SUPT5H: variants seen among roughly 807,000 people sequenced by gnomAD.
SUPT5H encodes the protein transcription elongation factor SPT5.
In SUPT5H, 24 loss-of-function variants were observed where a neutral mutation model predicts 142.5. The observed-to-expected ratio is 0.17, with a 90% CI of 0.12 to 0.24. SUPT5H has a LOEUF of 0.24. Among genes scored for constraint, SUPT5H ranks in the 10% least tolerant of loss-of-function variants. The probability of loss-of-function intolerance (pLI) is 1.00; values close to 1 mark genes in which losing one functional copy is unlikely to be tolerated. For missense variants in SUPT5H, 893 were observed against 1,471.8 expected (o/e 0.61, Z 6.43); for synonymous variants, 546 against 553.0 (o/e 0.99, Z 0.18).
intron 10 of SUPT5H, among the ~76,000 whole-genome samples, chr19:39,463,254 G>T (rs1464863361): frequency 6.6e-6 from 1 of 151,246 alleles, no homozygotes; most frequent in African/African-American, 2.4e-5. Context: ...CTCCTGCCTC[G>T]GCCTCCCAAA....
Position 39,464,784 on chromosome 19 carries a change from G to A in SUPT5H, c.625-14G>A, listed in dbSNP as rs186896589. On this transcript the variant is annotated splice_polypyrimidine_tract_variant and intron_variant, in intron 10 of 29. Transcript: ENST00000432763. ...TGTCTCACTGTTTCCTCCTTCCACCGGCTCACCCTGCAGCCCCTGCAGATC... is the reference window on the plus strand; with the variant it reads ...TGTCTCACTGTTTCCTCCTTCCACCAGCTCACCCTGCAGCCCCTGCAGATC... The A allele has an allele frequency of 1.9e-6, 3 of 1,586,636 alleles. No individual in the cohort carries two copies. The highest frequency in any genetic ancestry group is 2.3e-5 in the East Asian group (1 of 44,338).
chr19:39,448,543 C>T (rs543884656), intron 2 of SUPT5H, among the ~76,000 whole-genome samples: 16 of 150,770 alleles, frequency 1.1e-4, no homozygotes, highest in African/African-American at 3.7e-4. Context: ...ACTTCCCCAA[C>T]ACTACACCAT....
chr19:39,446,066 C>G, intron 2 of SUPT5H, 101 bp downstream of exon 2: 1 of 1,225,288 alleles, frequency 8.2e-7, no homozygotes, highest in Non-Finnish European at 1.2e-6. Flanking sequence ...CGGGCTCTGG[C>G]TTCTGGGAAC....
At position 39,458,503 on chromosome 19, in the gene SUPT5H, G is replaced by A; in HGVS notation, c.319+198G>A. On this transcript the variant is annotated intron_variant, in intron 5 of 29. Coordinates refer to ENST00000432763, the MANE Select transcript of SUPT5H (RefSeq NM_001111020.3). The surrounding 1 kb of genome is among the most constrained non-coding windows in gnomAD (Gnocchi z 4.2). ...GTTGTTGACCTGGGAAAGCACGGAT[G>A]TGTCTGTCTGGGACTGAGCATTTGT... 3.9e-6 allele frequency: 4 copies of A among 1,030,210 alleles called. No individual in the cohort carries two copies. Among genetic ancestry groups the A allele is most frequent in the Admixed American group, 2.3e-5 (1 of 43,720 alleles). The allele number at this position is 1,030,210 out of a possible 1,614,324, so 63.8% of individuals were successfully genotyped here. A position where few individuals can be genotyped will look rare whatever the true frequency, so the allele number is the denominator to read the frequency against.
intron 4 of SUPT5H, 27 bp downstream of exon 4, chr19:39,457,767 A>T (rs1328148712): frequency 2.5e-6 from 4 of 1,613,982 alleles, no homozygotes; most frequent in Non-Finnish European, 3.4e-6. Flanking sequence ...CCTCCACAAG[A>T]CTACTGGGAA....
At position 39,470,078 on chromosome 19, in the gene SUPT5H, C is replaced by G; in HGVS notation, c.1375-41C>G. 1 of 1,586,956 alleles carries G rather than the reference C, an allele frequency of 6.3e-7. No homozygotes were observed. Among genetic ancestry groups the G allele is most frequent in the Non-Finnish European group, 8.6e-7 (1 of 1,162,260 alleles). ...GGAGGGGCAGGCAGGTTGTGGTGGT[C>G]TCCCTTCACCTGTTTGTTGTCCCCA... On this transcript the variant is annotated intron_variant, in intron 16 of 29. Coordinates refer to ENST00000432763, the MANE Select transcript of SUPT5H (RefSeq NM_001111020.3). This position sits in a 1 kb window ranked among gnomAD's most constrained non-coding sequence, Gnocchi z 5.8.
Position 39,458,868 on chromosome 19 carries a change from C to T in SUPT5H, c.370C>T (p.Arg124Cys), listed in dbSNP as rs748755071. The T allele has an allele frequency of 1.2e-6, 2 of 1,613,750 alleles. No individual in the cohort carries two copies. Among genetic ancestry groups the T allele is most frequent in the Non-Finnish European group, 1.7e-6 (2 of 1,179,788 alleles). The change falls in exon 6 of 30, where the codon CGC (arginine) becomes TGC (cysteine). Residue 124 changes from arginine to cysteine, a missense_variant. Arg to Cys is a radical substitution (Grantham distance 180). This residue lies in a region of SUPT5H where 428 missense variants were observed against 763.5 expected (regional missense o/e 0.56). Transcript: ENST00000432763. The surrounding 1 kb of genome is among the most constrained non-coding windows in gnomAD (Gnocchi z 4.2). ...VLDEDRSGARRLQNLWRDQRE... is the reference protein window; with the variant it reads ...VLDEDRSGARCLQNLWRDQRE... ...GGATGAAGATCGTTCTGGGGCTCGC[C>T]GCCTGCAAAACCTCTGGAGGTGGGC...
In SUPT5H at chr19:39,476,161, C is replaced by G. The variant is rs574066305; in HGVS notation, c.3105C>G (p.Pro1035=). 1.2e-6 allele frequency: 2 copies of G among 1,614,148 alleles called. No homozygotes were observed. Among genetic ancestry groups the G allele is most frequent in the Admixed American group, 1.7e-5 (1 of 60,018 alleles). The change falls in exon 29 of 30, where the codon CCC becomes CCG. Residue 1035 remains proline, a synonymous_variant. Coordinates refer to ENST00000432763, the MANE Select transcript of SUPT5H (RefSeq NM_001111020.3). ...ISSEHLEPIT[P]TKNNKVKVIL... The stretch of plus-strand genomic sequence containing the variant: ...GTGAGCACCTGGAGCCTATCACCCC[C>G]ACCAAGAACAACAAGGTAAGGGCAG...
At chr19:39,456,126 A>C (rs1184027793) in intron 3 of SUPT5H, among the ~76,000 whole-genome samples, 2 of 151,560 alleles carry the variant, frequency 1.3e-5, no homozygotes, top group Non-Finnish European at 2.9e-5. Flanking sequence ...CATGTTGGCC[A>C]GGCTGGTCTC....
chr19:39,450,988 G>A lies in SUPT5H; in HGVS notation c.76-2368G>A, dbSNP rs567828214. On this transcript the variant is annotated intron_variant, in intron 2 of 29. Transcript: ENST00000432763. ...AAAAAGTTTTAAATTTTGAAACATTGCATAATATAAAAATGTTTTTATTTA... is the reference window on the plus strand; with the variant it reads ...AAAAAGTTTTAAATTTTGAAACATTACATAATATAAAAATGTTTTTATTTA... Among the ~76,000 whole-genome samples, 6 of 152,018 alleles carry A rather than the reference G, an allele frequency of 3.9e-5. No individual in the cohort carries two copies. In the East Asian group the frequency reaches 1.2e-3, roughly 29 times the overall value.
In SUPT5H at chr19:39,473,345, G is replaced by A. The variant is rs1207728825; in HGVS notation, c.2386+15G>A. On this transcript the variant is annotated intron_variant, in intron 24 of 29. Coordinates refer to ENST00000432763, the MANE Select transcript of SUPT5H (RefSeq NM_001111020.3). The surrounding 1 kb of genome is among the most constrained non-coding windows in gnomAD (Gnocchi z 5.8). ...CCTCCAGGATGGTGAGTGCCCGCAG[G>A]GGACAGGGAAGAGGGGCTAGGGGGA... is the stretch of plus-strand genomic sequence containing the variant. The A allele has an allele frequency of 1.2e-6, 2 of 1,613,762 alleles. No individual in the cohort carries two copies. The highest frequency in any genetic ancestry group is 1.7e-6 in the Non-Finnish European group (2 of 1,179,968).
chr19:39,460,057 A>G lies in SUPT5H; in HGVS notation c.624+97A>G. ...AGGGGTACCAGGTGCCTCTGTTGTG[A>G]GCAGAGCTGCCTGCTGAGTGAGCTG... On this transcript the variant is annotated intron_variant, in intron 10 of 29. Transcript: ENST00000432763. The G allele has an allele frequency of 2.3e-6, 3 of 1,285,642 alleles. No individual in the cohort carries two copies. In the South Asian group the frequency reaches 3.6e-5, roughly 16 times the overall value. The allele number at this position is 1,285,642 out of a possible 1,614,324, so 79.6% of individuals were successfully genotyped here.
chr19:39,466,824 G>C lies in SUPT5H; in HGVS notation c.1037+79G>C, dbSNP rs1210484464. 2.8e-6 allele frequency: 4 copies of C among 1,442,352 alleles called. No homozygotes were observed. The highest frequency in any genetic ancestry group is 1.7e-4 in the Middle Eastern group (1 of 5,736). 89.3% of individuals were successfully genotyped at this position (1,442,352 alleles called of 1,614,324 possible). A position where few individuals can be genotyped will look rare whatever the true frequency, so the allele number is the denominator to read the frequency against. ...TGTGCCTTTTGCAGGTTCCTCCCCA[G>C]GGGTGGCCCCGCCACAGGTTTAGCC... On this transcript the variant is annotated intron_variant, in intron 13 of 29. Transcript: ENST00000432763. This position sits in a 1 kb window ranked among gnomAD's most constrained non-coding sequence, Gnocchi z 4.3.
intron 10 of SUPT5H, among the ~76,000 whole-genome samples, chr19:39,460,378 G>C (rs2079145574): frequency 6.6e-6 from 1 of 152,232 alleles, no homozygotes; most frequent in Non-Finnish European, 1.5e-5. Context: ...CTTCTTAGCT[G>C]TGTGACTCTG....
In SUPT5H at chr19:39,472,563, A is replaced by G. The variant is rs1310227325; in HGVS notation, c.2035+70A>G. The G allele has an allele frequency of 4.6e-5, 71 of 1,550,630 alleles. No homozygotes were observed. Among genetic ancestry groups the G allele is most frequent in the Non-Finnish European group, 6.0e-5 (68 of 1,127,418 alleles). On this transcript the variant is annotated intron_variant, in intron 21 of 29. Coordinates refer to ENST00000432763, the MANE Select transcript of SUPT5H (RefSeq NM_001111020.3). This position sits in a 1 kb window ranked among gnomAD's most constrained non-coding sequence, Gnocchi z 4.2. ...TGGAAGGAACTTGGTTGTTCAGCCT[A>G]CACTCACTGAGTGCCTGTGCTGGGC...
Position 39,458,081 on chromosome 19 carries a change from G to C in SUPT5H, c.308-213G>C. On this transcript the variant is annotated intron_variant, in intron 4 of 29. Transcript: ENST00000432763. This position sits in a 1 kb window ranked among gnomAD's most constrained non-coding sequence, Gnocchi z 4.2. ...CCCTTTCCCCGTTATTTTCCGTTCTGTGCGCCTCATACATTTCGGCTTCTC... is the reference window on the plus strand; with the variant it reads ...CCCTTTCCCCGTTATTTTCCGTTCTCTGCGCCTCATACATTTCGGCTTCTC... The C allele has an allele frequency of 2.4e-6, 2 of 832,672 alleles. No homozygotes were observed. Among genetic ancestry groups the C allele is most frequent in the Non-Finnish European group, 3.7e-6 (2 of 543,584 alleles). 51.6% of individuals were successfully genotyped at this position (832,672 alleles called of 1,614,324 possible). A position where few individuals can be genotyped will look rare whatever the true frequency, so the allele number is the denominator to read the frequency against.
chr19:39,466,575 CAG>C lies in SUPT5H; in HGVS notation c.966+7_966+8del, dbSNP rs778570091. On this transcript the variant is annotated splice_region_variant and intron_variant, in intron 12 of 29. Transcript: ENST00000432763. This position sits in a 1 kb window ranked among gnomAD's most constrained non-coding sequence, Gnocchi z 4.3. ...TCAAGGCCCGCATGAGCTTGGTACT[CAG>C]GGGAATCTGTGGCCTGGGGGGGAGG... 1.2e-5 allele frequency: 20 copies of C among 1,612,474 alleles called. No individual in the cohort carries two copies. Among genetic ancestry groups the C allele is most frequent in the African/African-American group, 6.7e-5 (5 of 74,550 alleles).
Position 39,466,416 on chromosome 19 carries a change from CT to C in SUPT5H, c.877-62del. The C allele has an allele frequency of 6.8e-7, 1 of 1,476,910 alleles. No individual in the cohort carries two copies. Among genetic ancestry groups the C allele is most frequent in the Non-Finnish European group, 9.5e-7 (1 of 1,058,140 alleles). The allele number at this position is 1,476,910 out of a possible 1,614,324, so 91.5% of individuals were successfully genotyped here. A position where few individuals can be genotyped will look rare whatever the true frequency, so the allele number is the denominator to read the frequency against. ...TTCTCCTTCCTAGCATCTCCTGACC[CT>C]TCTTGTGTCTGGGGTCAGGGAGGAG... On this transcript the variant is annotated intron_variant, in intron 11 of 29. Coordinates refer to ENST00000432763, the MANE Select transcript of SUPT5H (RefSeq NM_001111020.3). This position sits in a 1 kb window ranked among gnomAD's most constrained non-coding sequence, Gnocchi z 4.3.
chr19:39,468,066 T>A (rs2079267142), intron 13 of SUPT5H: 1 of 152,298 alleles, frequency 6.6e-6, no homozygotes, highest in Admixed American at 6.5e-5. Flanking sequence ...AGGAGGAACT[T>A]GACCTGCTCC....
Sources: gnomAD v4.1 joint callset for allele counts (sites outside exome capture counted in the v4.1 genomes callset) on GRCh38, gnomAD v4.1.1 for gene constraint, gnomAD v4.1.1 regional missense constraint, Gnocchi (gnomAD v3.1) non-coding constraint, MANE v1.5 for transcripts, NCBI Gene and HGNC (gene_info 2026-07-23, HGNC 2026-07-21) for gene names.